Variants in ITGB3 observed in about 807,000 individuals in gnomAD.
ITGB3 encodes the protein integrin beta-3.
A neutral mutation model predicts 85.8 loss-of-function variants in ITGB3; 48 were observed. The ratio of observed to expected loss-of-function variants is 0.56; its 90% CI spans 0.44 to 0.71. The LOEUF (loss-of-function observed/expected upper bound fraction) is 0.71, where lower values mean the gene tolerates loss of function less well. ITGB3 is among the 30% of genes least tolerant of loss of function. The pLI is 0.00. For missense variants in ITGB3, 861 were observed against 1,019.1 expected (o/e 0.84, Z 2.11); for synonymous variants, 363 against 395.6 (o/e 0.92, Z 0.98).
intron 1 of ITGB3, among the ~76,000 whole-genome samples, chr17:47,259,652 C>T (rs897715383): frequency 6.6e-6 from 1 of 152,162 alleles, no homozygotes; most frequent in Non-Finnish European, 1.5e-5. Flanking sequence ...GTAATCCCAG[C>T]ACTTTGGGAG....
chr17:47,296,002 C>T (rs1567767775), intron 10 of ITGB3, among the ~76,000 whole-genome samples: 1 of 152,232 alleles, frequency 6.6e-6, no homozygotes, highest in Non-Finnish European at 1.5e-5. Context: ...TAGGATCAGG[C>T]TGGAGGGCAT....
intron 13 of ITGB3, among the ~76,000 whole-genome samples, chr17:47,306,060 A>G (rs2143146415): frequency 6.6e-6 from 1 of 152,346 alleles, no homozygotes; most frequent in East Asian, 1.9e-4. Context: ...TTAAGTGATA[A>G]GTCAGGATTC....
At chr17:47,263,316 T>G (rs2065014747) in intron 1 of ITGB3, among the ~76,000 whole-genome samples, 1 of 152,120 alleles carries the variant, frequency 6.6e-6, no homozygotes, top group Non-Finnish European at 1.5e-5. Context: ...TTAACCTCAT[T>G]GGAGATGATA....
intron 2 of ITGB3, among the ~76,000 whole-genome samples, chr17:47,282,151 G>A (rs2065086087): frequency 6.6e-6 from 1 of 152,022 alleles, no homozygotes; most frequent in African/African-American, 2.4e-5. Context: ...GTTTCACTAG[G>A]TTGGCCAGGC....
intron 1 of ITGB3, among the ~76,000 whole-genome samples, chr17:47,271,173 A>C (rs1266377563): frequency 6.6e-6 from 1 of 152,170 alleles, no homozygotes; most frequent in Non-Finnish European, 1.5e-5. Flanking sequence ...GAAGAAATGG[A>C]GGCTGAGAGG....
At chr17:47,256,147 T>C (rs1164313457) in intron 1 of ITGB3, among the ~76,000 whole-genome samples, 2 of 152,128 alleles carry the variant, frequency 1.3e-5, no homozygotes, top group Admixed American at 6.6e-5. Flanking sequence ...TGCATTGACA[T>C]ACGTAAGTTT....
At chr17:47,306,409 G>A (rs1465808400) in intron 13 of ITGB3, among the ~76,000 whole-genome samples, 2 of 152,106 alleles carry the variant, frequency 1.3e-5, no homozygotes, top group East Asian at 3.8e-4. Context: ...TGAGTAGCTG[G>A]GACTACAGGC....
At chr17:47,253,978 C>A in intron 1 of ITGB3, 38 bp downstream of exon 1, 1 of 1,268,648 alleles carries the variant, frequency 7.9e-7, no homozygotes, top group South Asian at 1.6e-5. Flanking sequence ...CGCAGCTGCC[C>A]CAGGATCTGC....
chr17:47,268,205 AGAG>A (rs1423949136), intron 1 of ITGB3, among the ~76,000 whole-genome samples: 1 of 152,136 alleles, frequency 6.6e-6, no homozygotes, highest in African/African-American at 2.4e-5. Context: ...CTACAATTCA[AGAG>A]GAGATTTGGG....
chr17:47,306,986 T>G (rs981080957), intron 13 of ITGB3, among the ~76,000 whole-genome samples: 3 of 152,222 alleles, frequency 2.0e-5, no homozygotes, highest in Admixed American at 6.5e-5. Flanking sequence ...GGCTTTTTAT[T>G]TTTAATTTTT....
chr17:47,266,157 T>C (rs1355604645), intron 1 of ITGB3, among the ~76,000 whole-genome samples: 1 of 152,174 alleles, frequency 6.6e-6, no homozygotes, highest in Non-Finnish European at 1.5e-5. Flanking sequence ...ACTGTCCCCA[T>C]GGACCTAATT....
intron 1 of ITGB3, among the ~76,000 whole-genome samples, chr17:47,270,752 T>G (rs1313347015): frequency 6.6e-6 from 1 of 152,140 alleles, no homozygotes; most frequent in Non-Finnish European, 1.5e-5. Context: ...TTGTAGAATT[T>G]TAAAGTTGGG....
chr17:47,300,689 C>T (rs1237944907), intron 12 of ITGB3, 111 bp downstream of exon 12: 1 of 790,358 alleles, frequency 1.3e-6, no homozygotes, highest in Non-Finnish European at 2.2e-6. Flanking sequence ...ACTTCTACCT[C>T]AGGGAATGTT....
At chr17:47,268,457 G>C (rs1049908925) in intron 1 of ITGB3, among the ~76,000 whole-genome samples, 7 of 152,190 alleles carry the variant, frequency 4.6e-5, no homozygotes. Flanking sequence ...GGGAGTGGAG[G>C]CATTGGGTAA....
At chr17:47,263,406 T>C (rs2065015012) in intron 1 of ITGB3, among the ~76,000 whole-genome samples, 1 of 152,104 alleles carries the variant, frequency 6.6e-6, no homozygotes, top group Non-Finnish European at 1.5e-5. Context: ...AAGTGTCAGC[T>C]CCACAGAGAG....
intron 2 of ITGB3, among the ~76,000 whole-genome samples, chr17:47,282,612 T>C (rs970325723): frequency 3.3e-5 from 5 of 152,220 alleles, no homozygotes; most frequent in African/African-American, 1.2e-4. Context: ...TTACACTGCC[T>C]TTCCCTATCA....
intron 13 of ITGB3, among the ~76,000 whole-genome samples, chr17:47,305,296 T>C (rs1447568673): frequency 2.0e-5 from 3 of 152,216 alleles, no homozygotes; most frequent in Non-Finnish European, 2.9e-5. Flanking sequence ...CATTTAATTA[T>C]AGACAGGTTG....
At chr17:47,284,831 C>G in intron 4 of ITGB3, 136 bp downstream of exon 4, 1 of 1,213,436 alleles carries the variant, frequency 8.2e-7, no homozygotes, top group African/African-American at 1.5e-5. Context: ...ACCTTGGTCT[C>G]CCTGTTTGGC....
rs58012849 is a variant in ITGB3, at chr17:47,300,346, C to CGTGTGTGTGTGT, written c.1914-121_1914-110dup. ...GGATTGTCTTACAGGCGCGCGCGCG[C>CGTGTGTGTGTGT]GTGTGTGTGTGTGTGTGTGTGTTTT... On this transcript the variant is annotated intron_variant, in intron 11 of 14. Coordinates refer to ENST00000559488, the MANE Select transcript of ITGB3 (RefSeq NM_000212.3). 2,190 of 619,666 alleles carry CGTGTGTGTGTGT rather than the reference C, an allele frequency of 3.5e-3. 31 individuals are homozygous for CGTGTGTGTGTGT. The highest frequency in any genetic ancestry group is 0.035 in the African/African-American group (1,904 of 53,998). The allele number at this position is 619,666 out of a possible 1,614,324, so 38.4% of individuals were successfully genotyped here. A position where few individuals can be genotyped will look rare whatever the true frequency, so the allele number is the denominator to read the frequency against.
Sources: gnomAD v4.1 joint callset for allele counts (sites outside exome capture counted in the v4.1 genomes callset) on GRCh38, gnomAD v4.1.1 for gene constraint, MANE v1.5 for transcripts, NCBI Gene and HGNC (gene_info 2026-07-23, HGNC 2026-07-21) for gene names.